KATNAL2: variants seen among roughly 807,000 people sequenced by gnomAD.
KATNAL2 encodes the protein katanin p60 ATPase-containing subunit A-like 2.
KATNAL2 carries 52 observed loss-of-function variants against 76.3 expected under a neutral mutation model. That is an observed-to-expected ratio of 0.68 (90% confidence interval 0.55 to 0.86). The LOEUF is 0.86. Ranked by LOEUF, KATNAL2 falls within the 40% of genes least tolerant of loss-of-function variation. KATNAL2 has a pLI of 0.00. For missense variants in KATNAL2, 660 were observed against 668.9 expected, an observed-to-expected ratio of 0.99 and a Z score of 0.15; for synonymous variants, 243 against 244.2, an observed-to-expected ratio of 1.00 and a Z score of 0.05.
chr18:46,940,968 T>G (rs2059229457), intron 1 of KATNAL2, among the ~76,000 whole-genome samples: 1 of 152,082 alleles, frequency 6.6e-6, no homozygotes, highest in Non-Finnish European at 1.5e-5. Flanking sequence ...CAGGCTGCAG[T>G]GAGCTATTGT....
intron 3 of KATNAL2, among the ~76,000 whole-genome samples, chr18:46,957,985 C>T (rs560844522): frequency 2.0e-5 from 3 of 152,246 alleles, no homozygotes; most frequent in East Asian, 3.9e-4. Context: ...TGTGAGCCAC[C>T]GCACCTGGCC....
chr18:47,084,026 T>G (rs1037083458), intron 15 of KATNAL2, among the ~76,000 whole-genome samples: 1 of 152,156 alleles, frequency 6.6e-6, no homozygotes, highest in African/African-American at 2.4e-5. Flanking sequence ...TCCCTAACAT[T>G]TAGAAGAAAA....
At position 46,951,963 on chromosome 18, in the gene KATNAL2, G is replaced by A. The variant is rs2059570233; in HGVS notation, c.51+5040G>A. Among the ~76,000 whole-genome samples the A allele has an allele frequency of 2.6e-5, 4 of 151,984 alleles. No individual in the cohort carries two copies. In the South Asian group the frequency reaches 6.2e-4, roughly 24 times the overall value. On this transcript the variant is annotated intron_variant, in intron 3 of 17. Transcript: ENST00000683218. Reference sequence around the variant, plus strand: ...TAACTTTCTATTTTTAGTAGACATGGGGTTTCACCACGTTGCCCAGGCTGG... The same window carrying A: ...TAACTTTCTATTTTTAGTAGACATGAGGTTTCACCACGTTGCCCAGGCTGG...
intron 8 of KATNAL2, among the ~76,000 whole-genome samples, chr18:47,062,302 T>C (rs1419005762): frequency 1.3e-5 from 2 of 151,914 alleles, no homozygotes; most frequent in African/African-American, 2.4e-5. Context: ...GAGGATCCCT[T>C]GAGCCCAGAA....
chr18:46,938,720 T>G (rs1181829559), intron 1 of KATNAL2, among the ~76,000 whole-genome samples: 1 of 152,130 alleles, frequency 6.6e-6, no homozygotes, highest in African/African-American at 2.4e-5. Flanking sequence ...TTCAAAATCT[T>G]TCAATGGGTT....
intron 9 of KATNAL2, 36 bp from the exon 10 acceptor site, chr18:47,063,248 A>G: frequency 4.4e-6 from 7 of 1,598,812 alleles, no homozygotes; most frequent in Non-Finnish European, 6.0e-6. Context: ...TTATGAAGCA[A>G]TATTGTAATG....
chr18:46,953,414 C>T (rs72919241), intron 3 of KATNAL2, among the ~76,000 whole-genome samples: 1,695 of 152,182 alleles, frequency 0.011, 19 homozygotes, highest in Non-Finnish European at 0.017. Context: ...CCAAGGCAGG[C>T]GGAGCGCTTG....
chr18:46,947,070 G>C (rs2059403315), intron 3 of KATNAL2, 147 bp downstream of exon 3: 1 of 671,410 alleles, frequency 1.5e-6, no homozygotes, highest in Admixed American at 2.2e-5. Flanking sequence ...GGCCGAGGTG[G>C]TTAAATCCCG....
intron 6 of KATNAL2, among the ~76,000 whole-genome samples, chr18:47,056,871 T>G (rs1446583337): frequency 6.6e-6 from 1 of 152,134 alleles, no homozygotes; most frequent in Non-Finnish European, 1.5e-5. Context: ...TAACTTCTCT[T>G]GAGTCAACAC....
At chr18:47,084,565 T>A (rs1336147027) in intron 15 of KATNAL2, 2 of 594,602 alleles carry the variant, frequency 3.4e-6, no homozygotes, top group East Asian at 5.7e-5. Context: ...AATACGACTG[T>A]GGGCCAGGTG....
In KATNAL2 at chr18:47,033,691, T is replaced by C. The variant is rs146511424; in HGVS notation, c.52-12766T>C. Reference sequence around the variant, plus strand: ...ACACTGCTGGCGCAGCGTCGGCACCTGGAGCTGGCAGGCAGGCCTGGAGCC... The same window carrying C: ...ACACTGCTGGCGCAGCGTCGGCACCCGGAGCTGGCAGGCAGGCCTGGAGCC... On this transcript the variant is annotated intron_variant, in intron 3 of 17. Coordinates refer to ENST00000683218, the MANE Select transcript of KATNAL2 (RefSeq NM_001387690.1). 71 of 1,614,072 alleles carry C rather than the reference T, an allele frequency of 4.4e-5. No homozygotes were observed. The African/African-American group carries it at 6.9e-4, about 16-fold the overall frequency.
At chr18:46,923,359 T>C (rs1391834135) in intron 1 of KATNAL2, among the ~76,000 whole-genome samples, 1 of 151,958 alleles carries the variant, frequency 6.6e-6, no homozygotes, top group African/African-American at 2.4e-5. Context: ...CTGAGAATGA[T>C]GGTTTCCAGT....
chr18:47,043,425 T>G (rs765317167), intron 3 of KATNAL2, among the ~76,000 whole-genome samples: 25 of 152,278 alleles, frequency 1.6e-4, no homozygotes, highest in Non-Finnish European at 3.5e-4. Flanking sequence ...TGTGTGCTAT[T>G]TTTTGTTGAT....
chr18:47,101,396 A>G lies in KATNAL2; in HGVS notation c.*391A>G, dbSNP rs1426592762. The G allele has an allele frequency of 5.0e-6, 1 of 199,240 alleles. No homozygotes were observed. The highest frequency in any genetic ancestry group is 9.2e-5 in the South Asian group (1 of 10,850). The allele number at this position is 199,240 out of a possible 1,614,324, so 12.3% of individuals were successfully genotyped here. A position where few individuals can be genotyped will look rare whatever the true frequency, so the allele number is the denominator to read the frequency against. ...TGACCCTGAGTTGGGGCAGCCAAGT[A>G]GAAGCTAAGCTTGACAGGCACTGCC... is the stretch of plus-strand genomic sequence containing the variant. On this transcript the variant is annotated 3_prime_UTR_variant, in exon 18 of 18. Coordinates refer to ENST00000683218, the MANE Select transcript of KATNAL2 (RefSeq NM_001387690.1).
intron 3 of KATNAL2, among the ~76,000 whole-genome samples, chr18:46,957,128 C>T (rs1452455012): frequency 6.6e-6 from 1 of 151,466 alleles, no homozygotes; most frequent in Non-Finnish European, 1.5e-5. Flanking sequence ...TATGTGTCAA[C>T]TTGACTGTGC....
chr18:46,957,401 C>G (rs1445466097), intron 3 of KATNAL2, among the ~76,000 whole-genome samples: 2 of 150,306 alleles, frequency 1.3e-5, no homozygotes, highest in African/African-American at 4.9e-5. Flanking sequence ...ACTACAGGCG[C>G]CCGCCACCTC....
intron 3 of KATNAL2, among the ~76,000 whole-genome samples, chr18:47,030,633 C>T (rs145013290): frequency 0.011 from 67 of 6,334 alleles, no homozygotes; most frequent in Middle Eastern, 0.062. Context: ...GTCTTTTCCC[C>T]GCCGTCTAGC....
At chr18:46,935,152 C>T (rs1334575235) in intron 1 of KATNAL2, among the ~76,000 whole-genome samples, 1 of 151,756 alleles carries the variant, frequency 6.6e-6, no homozygotes, top group East Asian at 1.9e-4. Flanking sequence ...CATGTGCATG[C>T]TTGAAAAAAA....
chr18:46,950,009 A>G (rs1195835411), intron 3 of KATNAL2, among the ~76,000 whole-genome samples: 1 of 152,178 alleles, frequency 6.6e-6, no homozygotes, highest in Non-Finnish European at 1.5e-5. Context: ...AAGCACTGCA[A>G]TAAAGCCCAA....
Sources: allele counts gnomAD v4.1 joint callset (sites outside exome capture counted in the v4.1 genomes callset), GRCh38; gene constraint gnomAD v4.1.1; transcripts MANE v1.5; gene names NCBI Gene and HGNC (gene_info 2026-07-23, HGNC 2026-07-21).